DLG1: variants seen among roughly 807,000 people sequenced by gnomAD.
The protein encoded by DLG1 is disks large homolog 1.
In DLG1, 42 loss-of-function variants were observed where a neutral mutation model predicts 123.4. That is an observed-to-expected ratio of 0.34 (90% confidence interval 0.27 to 0.44). The LOEUF is 0.44. Ranked by LOEUF, DLG1 falls within the 20% of genes least tolerant of loss-of-function variation. The pLI is 1.00. For synonymous variants in DLG1, 317 were observed against 356.2 expected, an observed-to-expected ratio of 0.89 and a Z score of 1.24; for missense variants, 942 against 1,082.6, an observed-to-expected ratio of 0.87 and a Z score of 1.82.
intron 4 of DLG1, among the ~76,000 whole-genome samples, chr3:197,237,462 G>C (rs1397846002): frequency 6.6e-6 from 1 of 152,182 alleles, no homozygotes; most frequent in Non-Finnish European, 1.5e-5. Flanking sequence ...GGGCAGCCTA[G>C]CAAGATACAA....
intron 11 of DLG1, among the ~76,000 whole-genome samples, chr3:197,124,848 G>C (rs1469861110): frequency 1.3e-5 from 2 of 152,104 alleles, no homozygotes; most frequent in African/African-American, 4.8e-5. Flanking sequence ...TAAGACTGTA[G>C]GACGATCCCT....
intron 5 of DLG1, among the ~76,000 whole-genome samples, chr3:197,193,453 A>T (rs867252272): frequency 2.0e-5 from 3 of 152,356 alleles, no homozygotes; most frequent in Non-Finnish European, 2.9e-5. Flanking sequence ...AGCTGGCTTT[A>T]TCCACAAAGA....
chr3:197,063,320 C>G (rs1467152910), intron 22 of DLG1, among the ~76,000 whole-genome samples: 3 of 151,662 alleles, frequency 2.0e-5, no homozygotes, highest in Non-Finnish European at 4.4e-5. Context: ...AACATACTTT[C>G]TAAAAGTTAA....
intron 5 of DLG1, 47 bp from the exon 6 acceptor site, chr3:197,149,843 C>T (rs1561055410): frequency 9.2e-7 from 1 of 1,091,124 alleles, no homozygotes; most frequent in South Asian, 1.3e-5. Flanking sequence ...TAAAACATTA[C>T]ATGTTCATGT....
intron 5 of DLG1, among the ~76,000 whole-genome samples, chr3:197,167,467 C>T (rs532981612): frequency 5.9e-5 from 9 of 152,144 alleles, no homozygotes; most frequent in East Asian, 1.9e-4. Context: ...CCACCAGTAA[C>T]GGGAAAAATC....
chr3:197,086,520 T>C (rs913479327), intron 15 of DLG1, among the ~76,000 whole-genome samples: 2 of 152,188 alleles, frequency 1.3e-5, no homozygotes, highest in Non-Finnish European at 2.9e-5. Flanking sequence ...CATTCTTTTG[T>C]TCTAATTTGG....
chr3:197,236,276 G>A (rs1160049302), intron 4 of DLG1, among the ~76,000 whole-genome samples: 1 of 152,052 alleles, frequency 6.6e-6, no homozygotes. Flanking sequence ...TGGCACCACT[G>A]CACTCCATCC....
chr3:197,174,358 G>C (rs1382139006), intron 5 of DLG1, among the ~76,000 whole-genome samples: 1 of 151,948 alleles, frequency 6.6e-6, no homozygotes, highest in East Asian at 1.9e-4. Flanking sequence ...AAAAAACAAG[G>C]AAACAAGATA....
intron 14 of DLG1, among the ~76,000 whole-genome samples, chr3:197,097,580 C>CT (rs3051908): frequency 0.026 from 3,152 of 122,804 alleles, 170 homozygotes; most frequent in African/African-American, 0.083. Flanking sequence ...TTTGTACTTT[C>CT]TTTTTTTTTT....
intron 4 of DLG1, among the ~76,000 whole-genome samples, chr3:197,256,241 C>A (rs1561718790): frequency 1.3e-5 from 2 of 152,226 alleles, no homozygotes; most frequent in Non-Finnish European, 2.9e-5. Context: ...GTATTTTCAG[C>A]TTTGCAGGCC....
chr3:197,150,103 A>G (rs1003032860), intron 5 of DLG1, among the ~76,000 whole-genome samples: 1 of 152,156 alleles, frequency 6.6e-6, no homozygotes, highest in Non-Finnish European at 1.5e-5. Context: ...AGTGTAACCA[A>G]TAACTCTTCC....
intron 13 of DLG1, among the ~76,000 whole-genome samples, chr3:197,114,063 G>A (rs1397783797): frequency 6.6e-6 from 1 of 152,156 alleles, no homozygotes; most frequent in Non-Finnish European, 1.5e-5. Context: ...AGACAGAGCT[G>A]TAAATATGAA....
At chr3:197,299,130 CG>C (rs1234293985), upstream of DLG1, 1 of 152,192 alleles carries the variant, frequency 6.6e-6, no homozygotes, top group Non-Finnish European at 1.5e-5. Flanking sequence ...AATTACCGGC[CG>C]GCTGGGACCC....
intron 4 of DLG1, among the ~76,000 whole-genome samples, chr3:197,258,152 ATTT>A (rs147239349): frequency 5.9e-5 from 9 of 152,004 alleles, no homozygotes; most frequent in Non-Finnish European, 1.2e-4. Flanking sequence ...CCAGAAGAGT[ATTT>A]TTTTTAACTC....
intron 4 of DLG1, among the ~76,000 whole-genome samples, chr3:197,247,673 C>G (rs148011116): frequency 2.6e-5 from 4 of 152,292 alleles, no homozygotes; most frequent in Admixed American, 2.6e-4. Flanking sequence ...ATTTTATCAT[C>G]TGTTGCTTTC....
intron 5 of DLG1, chr3:197,161,873 C>A: frequency 1.8e-6 from 1 of 556,566 alleles, no homozygotes. Context: ...TAATACATTA[C>A]ACTAATATAA....
chr3:197,119,634 T>C (rs1775178333), intron 11 of DLG1, 104 bp from the exon 12 acceptor site: 4 of 1,118,678 alleles, frequency 3.6e-6, no homozygotes, highest in African/African-American at 1.6e-5. Flanking sequence ...CCTTTATATA[T>C]CAGAATTTGG....
intron 3 of DLG1, among the ~76,000 whole-genome samples, chr3:197,294,763 G>T (rs1776590067): frequency 6.6e-6 from 1 of 151,582 alleles, no homozygotes; most frequent in African/African-American, 2.4e-5. Context: ...GGTCAAAAAT[G>T]TCTCTGAACA....
intron 4 of DLG1, among the ~76,000 whole-genome samples, chr3:197,226,611 C>T (rs1326119079): frequency 6.6e-6 from 1 of 152,116 alleles, no homozygotes; most frequent in African/African-American, 2.4e-5. Context: ...GCAACAACAA[C>T]AAAAATCAAT....
Sources: gnomAD v4.1 joint callset for allele counts (sites outside exome capture counted in the v4.1 genomes callset) on GRCh38, gnomAD v4.1.1 for gene constraint, MANE v1.5 for transcripts, NCBI Gene and HGNC (gene_info 2026-07-23, HGNC 2026-07-21) for gene names.